The following CEP55 variants were observed in gnomAD, a reference collection of about 807,000 sequenced individuals.
CEP55 encodes centrosomal protein of 55 kDa.
CEP55 carries 57 observed loss-of-function variants against 63.2 expected under a neutral mutation model. The ratio of observed to expected loss-of-function variants is 0.90; its 90% CI spans 0.73 to 1.13. The LOEUF (loss-of-function observed/expected upper bound fraction) is 1.13. Ranked by LOEUF, CEP55 falls within the 50% of genes most tolerant of loss-of-function variation. CEP55 has a pLI of 0.00. For missense variants in CEP55, 456 were observed against 518.9 expected, an observed-to-expected ratio of 0.88 and a Z score of 1.18; for synonymous variants, 178 against 191.6, an observed-to-expected ratio of 0.93 and a Z score of 0.59.
rs777607471 is a variant in CEP55 at position 93,516,917 on chromosome 10, T to C, written c.680-18T>C. 1 of 1,519,996 alleles carries C rather than the reference T, an allele frequency of 6.6e-7. No homozygotes were observed. The allele number at this position is 1,519,996 out of a possible 1,614,324, so 94.2% of individuals were successfully genotyped here. Reference sequence around the variant, plus strand: ...TTATTTTATAAAGTGAGTTGTGCCGTAATGTTGTTTGTCATAGGTTATCTT... The same window carrying C: ...TTATTTTATAAAGTGAGTTGTGCCGCAATGTTGTTTGTCATAGGTTATCTT... On this transcript the variant is annotated intron_variant, in intron 5 of 8. Coordinates refer to ENST00000371485, the MANE Select transcript of CEP55 (RefSeq NM_018131.5).
rs2057840210 is a variant in CEP55, at chr10:93,519,796, T to C, written c.1180T>C (p.Leu394=). The C allele has an allele frequency of 1.2e-6, 2 of 1,614,086 alleles. No homozygotes were observed. The highest frequency in any genetic ancestry group is 1.7e-6 in the Non-Finnish European group (2 of 1,180,004). The change falls in exon 8 of 9, where the codon TTG becomes CTG. Residue 394 remains leucine, a synonymous_variant. Coordinates refer to ENST00000371485, the MANE Select transcript of CEP55 (RefSeq NM_018131.5). The part of the protein sequence containing the change: ...LRKARNQITQ[L]ESLKQLHEFA... ...AAAAGCAAGAAATCAAATAACACAG[T>C]TGGAATCCTTGGTGAGTCTGGAATG...
intron 4 of CEP55, among the ~76,000 whole-genome samples, 172 bp from the exon 5 acceptor site, chr10:93,515,233 G>T (rs1045541257): frequency 3.9e-5 from 6 of 152,232 alleles, no homozygotes; most frequent in Non-Finnish European, 7.3e-5. Context: ...AACTACGATG[G>T]TGTCATGTTG....
At chr10:93,497,986 G>A (rs776744417) in intron 1 of CEP55, among the ~76,000 whole-genome samples, 4 of 152,046 alleles carry the variant, frequency 2.6e-5, no homozygotes, top group Non-Finnish European at 5.9e-5. Context: ...GCCAGGCGTG[G>A]TGACGCGCAC....
chr10:93,527,281 C>T (rs1355335092), intron 8 of CEP55, among the ~76,000 whole-genome samples: 1 of 152,126 alleles, frequency 6.6e-6, no homozygotes, highest in African/African-American at 2.4e-5. Flanking sequence ...TTGCTTGCTG[C>T]CTTTAATTTC....
At chr10:93,518,113 A>G (rs1365331622) in intron 6 of CEP55, among the ~76,000 whole-genome samples, 2 of 151,858 alleles carry the variant, frequency 1.3e-5, no homozygotes, top group Non-Finnish European at 2.9e-5. Context: ...TGGGACAGTA[A>G]CAAGTCCATC....
At position 93,512,832 on chromosome 10, in the gene CEP55, G is replaced by T. The variant is rs187587656; in HGVS notation, c.529-2573G>T. 2.3e-3 allele frequency among the ~76,000 whole-genome samples: 346 copies of T among 152,262 alleles called. 4 individuals are homozygous for T. Among genetic ancestry groups the T allele is most frequent in the Non-Finnish European group, 6.0e-4 (41 of 68,016 alleles). Reference sequence around the variant, plus strand: ...GCTGAATAAGAGAGTGACTACTGCAGCCTGTTTTAAGATAGGCCAAGAATC... The same window carrying T: ...GCTGAATAAGAGAGTGACTACTGCATCCTGTTTTAAGATAGGCCAAGAATC... On this transcript the variant is annotated intron_variant, in intron 4 of 8. Transcript: ENST00000371485.
intron 3 of CEP55, among the ~76,000 whole-genome samples, chr10:93,506,649 C>G (rs1363213406): frequency 6.6e-6 from 1 of 152,120 alleles, no homozygotes; most frequent in Non-Finnish European, 1.5e-5. Flanking sequence ...CTCACTGCAG[C>G]CTCCACCTCC....
At chr10:93,517,277 G>T in intron 6 of CEP55, 29 bp downstream of exon 6, 3 of 1,539,212 alleles carry the variant, frequency 1.9e-6, no homozygotes, top group Non-Finnish European at 2.6e-6. Context: ...ATAATTCAGA[G>T]TGTTCACCGA....
intron 8 of CEP55, among the ~76,000 whole-genome samples, chr10:93,526,340 A>T (rs1365655916): frequency 6.6e-6 from 1 of 152,250 alleles, no homozygotes; most frequent in African/African-American, 2.4e-5. Context: ...AAAAATGCTC[A>T]TCATCACTGG....
intron 5 of CEP55, among the ~76,000 whole-genome samples, chr10:93,515,824 T>G (rs1230304741): frequency 6.6e-6 from 1 of 152,174 alleles, no homozygotes; most frequent in Non-Finnish European, 1.5e-5. Flanking sequence ...CTTCCCCTTT[T>G]TCAAAGTCCT....
Position 93,496,630 on chromosome 10 carries a change from T to G in CEP55, c.-306T>G, listed in dbSNP as rs2057570676. The G allele has an allele frequency of 1.3e-5, 2 of 152,226 alleles. No individual in the cohort carries two copies. The highest frequency in any genetic ancestry group is 2.9e-5 in the Non-Finnish European group (2 of 68,042). 9.4% of individuals were successfully genotyped at this position (152,226 alleles called of 1,614,324 possible). On this transcript the variant is annotated 5_prime_UTR_variant, in exon 1 of 9. Coordinates refer to ENST00000371485, the MANE Select transcript of CEP55 (RefSeq NM_018131.5). ...GGGATTCAAACTCCCGGAAGCGGCA[T>G]CCACACCTGATGGTGTGACTCGGCC...
chr10:93,513,508 T>C (rs1209357891), intron 4 of CEP55, among the ~76,000 whole-genome samples: 1 of 152,240 alleles, frequency 6.6e-6, no homozygotes, highest in Non-Finnish European at 1.5e-5. Flanking sequence ...AAGCTCCTTA[T>C]GTCCTCTTCA....
chr10:93,516,790 A>G (rs2057807694), intron 5 of CEP55, 145 bp from the exon 6 acceptor site: 2 of 564,100 alleles, frequency 3.5e-6, no homozygotes, highest in Non-Finnish European at 6.0e-6. Flanking sequence ...TATTTCATCA[A>G]ATATCAACCA....
intron 2 of CEP55, among the ~76,000 whole-genome samples, chr10:93,502,209 T>C (rs1478115859): frequency 1.3e-5 from 2 of 152,206 alleles, no homozygotes; most frequent in Non-Finnish European, 2.9e-5. Flanking sequence ...AAATATGTTC[T>C]GGAAAACACA....
At chr10:93,518,982 G>A (rs2057830769) in intron 7 of CEP55, 34 bp downstream of exon 7, 1 of 1,542,504 alleles carries the variant, frequency 6.5e-7, no homozygotes, top group Non-Finnish European at 9.0e-7. Context: ...ATTCAATTCT[G>A]CCTGTTAGAA....
chr10:93,503,139 G>T lies in CEP55; in HGVS notation c.210G>T (p.Lys70Asn). ...LEKIRVLEAEKEKNAYQLTEK... is the reference protein window; with the variant it reads ...LEKIRVLEAENEKNAYQLTEK... ...AAATTCGAGTCCTTGAGGCTGAGAA[G>T]GAGAAGAATGCTTATCAACTCACAG... The change falls in exon 3 of 9, where the codon AAG becomes AAT. Residue 70 changes from lysine (K) to asparagine (N), a missense_variant. Coordinates refer to ENST00000371485, the MANE Select transcript of CEP55 (RefSeq NM_018131.5). 6.2e-7 allele frequency: 1 copy of T among 1,613,622 alleles called. No individual in the cohort carries two copies. The highest frequency in any genetic ancestry group is 8.5e-7 in the Non-Finnish European group (1 of 1,179,834).
chr10:93,497,515 C>G (rs1241370756), intron 1 of CEP55, among the ~76,000 whole-genome samples: 2 of 152,098 alleles, frequency 1.3e-5, no homozygotes, highest in African/African-American at 4.8e-5. Context: ...ATCCACCTGC[C>G]TCGGCCTTCC....
intron 1 of CEP55, among the ~76,000 whole-genome samples, chr10:93,499,518 CTTTT>C (rs528933732): frequency 3.3e-5 from 4 of 120,628 alleles, no homozygotes; most frequent in Admixed American, 8.7e-5. Flanking sequence ...TACAAGTTGA[CTTTT>C]TTTTTTTTTT....
rs779631702 is a variant in CEP55, at chr10:93,516,940, C to G, written c.685C>G (p.Leu229Val). ...CGTAATGTTGTTTGTCATAGGTTATCTTCAAGAAGAGAAGCAGAAATGTTA... is the reference window on the plus strand; with the variant it reads ...CGTAATGTTGTTTGTCATAGGTTATGTTCAAGAAGAGAAGCAGAAATGTTA... ...QTKKPESEGY[L>V]QEEKQKCYND... Residue 229 changes from leucine (L) to valine (V), a missense_variant, in exon 6 of 9, where the codon CTT (leucine) becomes GTT (valine). By Grantham distance (32) the Leu-to-Val change is conservative (BLOSUM62 1). Coordinates refer to ENST00000371485, the MANE Select transcript of CEP55 (RefSeq NM_018131.5). 2.1e-5 allele frequency: 33 copies of G among 1,575,794 alleles called. No individual in the cohort carries two copies. The South Asian group carries it at 3.7e-4, about 18-fold the overall frequency.
Sources: allele counts gnomAD v4.1 joint callset (sites outside exome capture counted in the v4.1 genomes callset), GRCh38; gene constraint gnomAD v4.1.1; transcripts MANE v1.5; gene names NCBI Gene and HGNC (gene_info 2026-07-23, HGNC 2026-07-21).